The following KIF9 variants were observed in gnomAD, a reference collection of about 807,000 sequenced individuals.
KIF9 encodes the protein kinesin-like protein KIF9.
Under a neutral mutation model 94.8 loss-of-function variants are expected in KIF9, and 68 were observed. The observed-to-expected ratio is 0.72, with a 90% CI of 0.59 to 0.88. KIF9 has a LOEUF of 0.88. KIF9 is among the 40% of genes least tolerant of loss of function. KIF9 has a pLI of 0.00. For missense variants in KIF9, 882 were observed against 982.5 expected, an observed-to-expected ratio of 0.90 and a Z score of 1.37; for synonymous variants, 343 against 362.1, an observed-to-expected ratio of 0.95 and a Z score of 0.60.
chr3:47,255,907 G>A (rs933695149), intron 10 of KIF9, among the ~76,000 whole-genome samples: 4 of 152,228 alleles, frequency 2.6e-5, no homozygotes, highest in African/African-American at 4.8e-5. Flanking sequence ...TTGCGGGCGC[G>A]CGCCACCACA....
rs34079988 is a variant in KIF9 at position 47,231,404 on chromosome 3, CTTTTTTTTTTTTTTTTTT to C, written c.2323-2720_2323-2703del. ...GAATCTCAGGCTCCATCAGTATCTACTTTTTTTTTTTTTTTTTTTTTTTTTTTAGACAGTTTCTCTTCG... is the reference window on the plus strand; with the variant it reads ...GAATCTCAGGCTCCATCAGTATCTACTTTTTTTTTAGACAGTTTCTCTTCG... On this transcript the variant is annotated intron_variant, in intron 20 of 20. Transcript: ENST00000684063. Among the ~76,000 whole-genome samples, 7 of 79,810 alleles carry C rather than the reference CTTTTTTTTTTTTTTTTTT, an allele frequency of 8.8e-5. No individual in the cohort carries two copies. The Admixed American group carries it at 8.8e-4, about 10-fold the overall frequency. The allele number at this position is 79,810 out of a possible 152,430, so 52.4% of individuals were successfully genotyped here. A position where few individuals can be genotyped will look rare whatever the true frequency, so the allele number is the denominator to read the frequency against.
At chr3:47,235,700 G>A in intron 19 of KIF9, 83 bp from the exon 20 acceptor site, 1 of 1,159,630 alleles carries the variant, frequency 8.6e-7, no homozygotes, top group Non-Finnish European at 1.3e-6. Flanking sequence ...GCAGTCCCTT[G>A]CTGGGTTTGT....
chr3:47,233,292 G>T, intron 20 of KIF9, among the ~76,000 whole-genome samples: 1 of 147,688 alleles, frequency 6.8e-6, no homozygotes, highest in South Asian at 2.1e-4. Context: ...GAGCCCAGAG[G>T]CAGAAGTTGC....
intron 1 of KIF9, among the ~76,000 whole-genome samples, chr3:47,279,293 C>T (rs1276081193): frequency 2.7e-5 from 4 of 150,940 alleles, no homozygotes; most frequent in Admixed American, 6.6e-5. Flanking sequence ...GCCAACATGA[C>T]GAAACCCTGT....
At chr3:47,254,284 C>G (rs188163249) in intron 10 of KIF9, among the ~76,000 whole-genome samples, 195 of 152,296 alleles carry the variant, frequency 1.3e-3, no homozygotes, top group Admixed American at 2.8e-3. Flanking sequence ...ATGGTGAAAC[C>G]CTGTCTCTAC....
intron 10 of KIF9, among the ~76,000 whole-genome samples, chr3:47,255,739 CTCTCCCCACGG>C (rs1320144075): frequency 6.9e-6 from 1 of 144,306 alleles, no homozygotes; most frequent in African/African-American, 2.7e-5. Flanking sequence ...CTCCCTCTCC[CTCTCCCCACGG>C]TCTCCCTCTC....
chr3:47,258,942 C>T (rs1236049903), intron 9 of KIF9, among the ~76,000 whole-genome samples: 2 of 152,326 alleles, frequency 1.3e-5, no homozygotes, highest in South Asian at 4.1e-4. Context: ...CATCTGAGTG[C>T]TCCATAGCTA....
intron 10 of KIF9, among the ~76,000 whole-genome samples, chr3:47,249,270 T>A (rs1575989251): frequency 6.6e-6 from 1 of 152,062 alleles, no homozygotes; most frequent in African/African-American, 2.4e-5. Flanking sequence ...CTCAGCCTCC[T>A]GAGCAGCTGG....
At chr3:47,268,926 T>C (rs982769107) in intron 5 of KIF9, among the ~76,000 whole-genome samples, 1 of 152,110 alleles carries the variant, frequency 6.6e-6, no homozygotes, top group Non-Finnish European at 1.5e-5. Flanking sequence ...AGTACCCTCT[T>C]GCCTTGTCTT....
At chr3:47,255,899 G>A (rs1222730406) in intron 10 of KIF9, among the ~76,000 whole-genome samples, 2 of 152,194 alleles carry the variant, frequency 1.3e-5, no homozygotes, top group East Asian at 3.9e-4. Flanking sequence ...GCCTGTGATT[G>A]CGGGCGCGCG....
intron 9 of KIF9, among the ~76,000 whole-genome samples, chr3:47,259,725 G>T (rs1458409932): frequency 5.4e-5 from 8 of 148,488 alleles, no homozygotes; most frequent in African/African-American, 2.0e-4. Context: ...TGGATTAAGG[G>T]CGGTGCAAGA....
intron 14 of KIF9, 89 bp from the exon 15 acceptor site, chr3:47,245,013 G>T: frequency 2.0e-6 from 3 of 1,534,220 alleles, no homozygotes; most frequent in Non-Finnish European, 2.6e-6. Flanking sequence ...CAAGGCTCAG[G>T]GTGGACATGT....
intron 9 of KIF9, among the ~76,000 whole-genome samples, chr3:47,259,356 C>T (rs1700818445): frequency 1.3e-5 from 2 of 152,290 alleles, no homozygotes; most frequent in African/African-American, 4.8e-5. Flanking sequence ...TGCTGCCAAG[C>T]CACAAGGCCA....
At chr3:47,262,486 T>C (rs1215966171) in intron 9 of KIF9, among the ~76,000 whole-genome samples, 1 of 152,120 alleles carries the variant, frequency 6.6e-6, no homozygotes, top group Non-Finnish European at 1.5e-5. Flanking sequence ...GCCAGGCTGG[T>C]CTCAAACTCC....
chr3:47,275,411 T>G lies in KIF9; in HGVS notation c.173A>C (p.Asp58Ala). 6.2e-7 allele frequency: 1 copy of G among 1,613,518 alleles called. No individual in the cohort carries two copies. Among genetic ancestry groups the G allele is most frequent in the Non-Finnish European group, 8.5e-7 (1 of 1,179,520 alleles). The change falls in exon 3 of 21, where the codon GAT (aspartate) becomes GCT (alanine). Residue 58 changes from aspartate to alanine, a missense_variant. By Grantham distance (126) the Asp-to-Ala change is moderately radical. Coordinates refer to ENST00000684063, the MANE Select transcript of KIF9 (RefSeq NM_182902.4). ...CTGGGAGGCATCGTGAAGAACTCCA[T>G]CCAACTTAAACGACCAGTCTGTCTG... Reference protein sequence around the residue: ...NQQTDWSFKLDGVLHDASQDL... With the variant: ...NQQTDWSFKLAGVLHDASQDL...
At chr3:47,264,246 G>GGGGGATTCCAGCCT in intron 9 of KIF9, 40 bp downstream of exon 9, 1 of 1,510,698 alleles carries the variant, frequency 6.6e-7, no homozygotes, top group Non-Finnish European at 9.2e-7. Flanking sequence ...CACCCATGAA[G>GGGGGATTCCAGCCT]GGGGATTCCA....
At chr3:47,248,499 A>G (rs999438346) in intron 10 of KIF9, among the ~76,000 whole-genome samples, 1 of 151,564 alleles carries the variant, frequency 6.6e-6, no homozygotes, top group African/African-American at 2.4e-5. Context: ...CTGGAGTGCA[A>G]TGGCATGGTC....
chr3:47,247,205 C>T (rs1455925920), intron 12 of KIF9, among the ~76,000 whole-genome samples, 168 bp downstream of exon 12: 1 of 152,178 alleles, frequency 6.6e-6, no homozygotes, highest in Non-Finnish European at 1.5e-5. Context: ...TGTGCTTGTG[C>T]CCCTGAGATG....
At chr3:47,281,821 G>A (rs958572933) in intron 1 of KIF9, among the ~76,000 whole-genome samples, 5 of 152,216 alleles carry the variant, frequency 3.3e-5, no homozygotes, top group Non-Finnish European at 7.3e-5. Context: ...TTGGCAACAA[G>A]CAGCCATGAA....
Sources: allele counts gnomAD v4.1 joint callset (sites outside exome capture counted in the v4.1 genomes callset), GRCh38; gene constraint gnomAD v4.1.1; transcripts MANE v1.5; gene names NCBI Gene and HGNC (gene_info 2026-07-23, HGNC 2026-07-21).